SFRP4: variants seen among roughly 807,000 people sequenced by gnomAD.
The protein encoded by SFRP4 is secreted frizzled related protein 4.
A neutral mutation model predicts 36.3 loss-of-function variants in SFRP4; 25 were observed. The observed-to-expected ratio is 0.69, with a 90% CI of 0.50 to 0.96. The LOEUF (loss-of-function observed/expected upper bound fraction) is 0.96. Ranked by LOEUF, SFRP4 falls within the 40% of genes least tolerant of loss-of-function variation. SFRP4 has a pLI of 0.00. For synonymous variants in SFRP4, 182 were observed against 168.8 expected (o/e 1.08, Z -0.60); for missense variants, 487 against 459.6 (o/e 1.06, Z -0.54).
chr7:37,915,603 G>A (rs941109393), intron 1 of SFRP4, among the ~76,000 whole-genome samples: 6 of 152,128 alleles, frequency 3.9e-5, no homozygotes, highest in African/African-American at 1.4e-4. Flanking sequence ...AATTTTCCAG[G>A]GAAACTGCAA....
Position 37,907,171 on chromosome 7 carries a change from A to T in SFRP4, c.*308T>A. ...TGCACATATTAGGTCGAATTGTAAC[A>T]AGCATTATTTTCCCTACTCTTCTAG... On this transcript the variant is annotated 3_prime_UTR_variant, in exon 6 of 6. Transcript: ENST00000436072. 4.4e-6 allele frequency: 1 copy of T among 226,658 alleles called. No individual in the cohort carries two copies. The allele number at this position is 226,658 out of a possible 1,614,324, so 14.0% of individuals were successfully genotyped here.
In SFRP4 at chr7:37,916,410, G is replaced by A; in HGVS notation, c.128C>T (p.Pro43Leu). 6.2e-7 allele frequency: 1 copy of A among 1,614,068 alleles called. No homozygotes were observed. Among genetic ancestry groups the A allele is most frequent in the Non-Finnish European group, 8.5e-7 (1 of 1,179,988 alleles). The change falls in exon 1 of 6, where the codon CCC becomes CTC. Residue 43 changes from proline (P) to leucine (L), a missense_variant. Transcript: ENST00000436072. This position sits in a 1 kb window ranked among gnomAD's most constrained non-coding sequence, Gnocchi z 4.1. The part of the protein sequence containing the change: ...RHMPWNITRM[P>L]NHLHHSTQEN... ...CTGCGTGCTGTGGTGCAGGTGGTTG[G>A]GCATCCGCGTGATGTTCCAGGGCAT...
intron 1 of SFRP4, among the ~76,000 whole-genome samples, chr7:37,915,530 A>G (rs1785559915): frequency 6.6e-6 from 1 of 152,242 alleles, no homozygotes; most frequent in South Asian, 2.1e-4. Flanking sequence ...GGAAGCAGAG[A>G]TGGGGTTAAC....
chr7:37,909,679 T>A lies in SFRP4; in HGVS notation c.793A>T (p.Met265Leu), dbSNP rs144196534. The change falls in exon 5 of 6, where the codon ATG becomes TTG. Residue 265 changes from methionine to leucine, a missense_variant and splice_region_variant. Coordinates refer to ENST00000436072, the MANE Select transcript of SFRP4 (RefSeq NM_003014.4). The part of the protein sequence containing the change: ...LIMCYEWRSR[M>L]MLLENCLVEK... ...ACTAAGCAATTTTCAAGAAGCATCA[T>A]CCTGAAAAAAAATTATCTTAGTAAA... The A allele has an allele frequency of 6.4e-7, 1 of 1,565,608 alleles. No homozygotes were observed. Among genetic ancestry groups the A allele is most frequent in the Admixed American group, 1.8e-5 (1 of 55,622 alleles).
intron 1 of SFRP4, among the ~76,000 whole-genome samples, chr7:37,915,852 G>T (rs112067161): frequency 1.1e-4 from 16 of 147,180 alleles, no homozygotes; most frequent in African/African-American, 3.6e-4. Context: ...ATCATCGAAG[G>T]CTCCCTTTGT....
At chr7:37,909,006 T>C (rs1193782944) in intron 5 of SFRP4, among the ~76,000 whole-genome samples, 2 of 152,058 alleles carry the variant, frequency 1.3e-5, no homozygotes, top group African/African-American at 4.8e-5. Context: ...AGAAGGATGC[T>C]TTAAAAATTT....
chr7:37,914,241 T>C lies in SFRP4; in HGVS notation c.564A>G (p.Ala188=). The change falls in exon 3 of 6, where the codon GCA becomes GCG. Residue 188 remains alanine, a synonymous_variant. Transcript: ENST00000436072. ...CKCKKVKPTL[A]TYLSKNYSYV... is the part of the protein sequence containing the mutation. The stretch of plus-strand genomic sequence containing the variant: ...AGCTGTAGTTTTTGCTGAGATACGT[T>C]GCCAAAGTTGGCTTCACCTTTTTAC... 3 of 1,614,206 alleles carry C rather than the reference T, an allele frequency of 1.9e-6. No homozygotes were observed. The African/African-American group carries it at 4.0e-5, about 22-fold the overall frequency.
rs759575847 is a variant in SFRP4, at chr7:37,916,441, G to A, written c.97C>T (p.Arg33Trp). ...CGCGTGATGTTCCAGGGCATGTGCC[G>A]GCACATAGGGATGCGCACCGCCTCG... ...PCEAVRIPMC[R>W]HMPWNITRMP... is the part of the protein sequence containing the mutation. The change falls in exon 1 of 6, where the codon CGG becomes TGG. Residue 33 changes from arginine to tryptophan, a missense_variant. Physicochemically the swap from Arg to Trp is moderately radical, Grantham distance 101. Coordinates refer to ENST00000436072, the MANE Select transcript of SFRP4 (RefSeq NM_003014.4). The surrounding 1 kb of genome is among the most constrained non-coding windows in gnomAD (Gnocchi z 4.1). 2.5e-6 allele frequency: 4 copies of A among 1,613,770 alleles called. No homozygotes were observed. Among genetic ancestry groups the A allele is most frequent in the African/African-American group, 2.7e-5 (2 of 74,922 alleles).
intron 3 of SFRP4, among the ~76,000 whole-genome samples, chr7:37,913,266 T>A (rs1199754525): frequency 6.6e-6 from 1 of 152,250 alleles, no homozygotes; most frequent in East Asian, 1.9e-4. Flanking sequence ...CTGATAGTTT[T>A]GTAACAGCTT....
rs1314804498 is a variant in SFRP4 at position 37,907,582 on chromosome 7, G to A, written c.938C>T (p.Pro313Leu). Residue 313 changes from proline (P) to leucine (L), a missense_variant, in exon 6 of 6, where the codon CCC (proline) becomes CTC (leucine). By Grantham distance (98) the Pro-to-Leu change is moderately conservative. Transcript: ENST00000436072. ...KTAGRTSRSN[P>L]PKPKGKPPAP... Reference sequence around the variant, plus strand: ...AGGAGGCTTTCCCTTTGGTTTGGGGGGATTACTACGACTGGTGCGCCCGGC... The same window carrying A: ...AGGAGGCTTTCCCTTTGGTTTGGGGAGATTACTACGACTGGTGCGCCCGGC... The A allele has an allele frequency of 6.2e-7, 1 of 1,613,706 alleles. No individual in the cohort carries two copies. Among genetic ancestry groups the A allele is most frequent in the African/African-American group, 1.3e-5 (1 of 74,998 alleles).
In SFRP4 at chr7:37,916,201, T is replaced by C. The variant is rs1785572904; in HGVS notation, c.337A>G (p.Lys113Glu). ...RARDDCEPLMKMYNHSWPESL... is the reference protein window; with the variant it reads ...RARDDCEPLMEMYNHSWPESL... ...TCGGGCCAGCTGTGGTTGTACATCT[T>C]CATGAGGGGCTCGCAGTCGTCGCGC... The change falls in exon 1 of 6, where the codon AAG becomes GAG. Residue 113 changes from lysine to glutamate, a missense_variant. By Grantham distance (56) the Lys-to-Glu change is moderately conservative. Transcript: ENST00000436072. The surrounding 1 kb of genome is among the most constrained non-coding windows in gnomAD (Gnocchi z 4.1). 6.2e-7 allele frequency: 1 copy of C among 1,614,172 alleles called. No homozygotes were observed. Among genetic ancestry groups the C allele is most frequent in the Non-Finnish European group, 8.5e-7 (1 of 1,180,026 alleles).
chr7:37,907,852 T>A (rs533559168), intron 5 of SFRP4, among the ~76,000 whole-genome samples, 188 bp from the exon 6 acceptor site: 6 of 152,262 alleles, frequency 3.9e-5, no homozygotes, highest in African/African-American at 1.4e-4. Context: ...GTGATGAAGT[T>A]TCCACATGCA....
chr7:37,914,545 A>G, intron 1 of SFRP4, 92 bp from the exon 2 acceptor site: 1 of 899,092 alleles, frequency 1.1e-6, no homozygotes, highest in Non-Finnish European at 1.9e-6. Context: ...ATAAACTAAA[A>G]CAGTATCTCA....
chr7:37,910,387 G>A (rs1324026769), intron 4 of SFRP4, among the ~76,000 whole-genome samples: 3 of 151,612 alleles, frequency 2.0e-5, no homozygotes, highest in Non-Finnish European at 4.4e-5. Flanking sequence ...TGATCTCAAT[G>A]TTTAAATATT....
At position 37,906,961 on chromosome 7, in the gene SFRP4, T is replaced by G. The variant is rs1356288548; in HGVS notation, c.*518A>C. ...TCCCCTTTCATCACAAAAATCCTTC[T>G]GCAGACCATAAACACATAAAGATCT... is the stretch of plus-strand genomic sequence containing the variant. On this transcript the variant is annotated 3_prime_UTR_variant, in exon 6 of 6. Coordinates refer to ENST00000436072, the MANE Select transcript of SFRP4 (RefSeq NM_003014.4). The G allele has an allele frequency of 1.3e-5, 2 of 152,244 alleles. No homozygotes were observed. The highest frequency in any genetic ancestry group is 2.1e-4 in the South Asian group (1 of 4,840). 9.4% of individuals were successfully genotyped at this position (152,244 alleles called of 1,614,324 possible). A position where few individuals can be genotyped will look rare whatever the true frequency, so the allele number is the denominator to read the frequency against.
chr7:37,916,108 TG>T lies in SFRP4; in HGVS notation c.429del (p.Thr144ArgfsTer10). On this transcript the variant is annotated frameshift_variant, in exon 1 of 6. Coordinates refer to ENST00000436072, the MANE Select transcript of SFRP4 (RefSeq NM_003014.4). LOFTEE classifies it high-confidence loss of function. This position sits in a 1 kb window ranked among gnomAD's most constrained non-coding sequence, Gnocchi z 4.1. ...RGVCISPEAI[V>X]TDLPEDVKWI... ...ACGGCCTCACCCTCCGGGAGGTCCG[TG>T]ACGATGGCTTCAGGCGAGATGCACA... The T allele has an allele frequency of 6.2e-7, 1 of 1,612,388 alleles. No homozygotes were observed. The highest frequency in any genetic ancestry group is 8.5e-7 in the Non-Finnish European group (1 of 1,178,834).
chr7:37,910,912 C>T (rs1785476542), intron 4 of SFRP4, among the ~76,000 whole-genome samples: 1 of 152,210 alleles, frequency 6.6e-6, no homozygotes, highest in Non-Finnish European at 1.5e-5. Flanking sequence ...TTGCGGGTCT[C>T]ATAAGGCAGA....
chr7:37,915,766 G>GT (rs1225731625), intron 1 of SFRP4, among the ~76,000 whole-genome samples: 1 of 152,116 alleles, frequency 6.6e-6, no homozygotes, highest in Non-Finnish European at 1.5e-5. Context: ...CGTGTAATGT[G>GT]TTTAACACTT....
intron 1 of SFRP4, among the ~76,000 whole-genome samples, chr7:37,915,115 G>C (rs1785552762): frequency 6.6e-6 from 1 of 152,180 alleles, no homozygotes; most frequent in African/African-American, 2.4e-5. Context: ...AACAGTTTAT[G>C]TTAATCAAAA....
Sources: allele counts gnomAD v4.1 joint callset (sites outside exome capture counted in the v4.1 genomes callset), GRCh38; gene constraint gnomAD v4.1.1; non-coding constraint Gnocchi (gnomAD v3.1); transcripts MANE v1.5; gene names NCBI Gene and HGNC (gene_info 2026-07-23, HGNC 2026-07-21).